The following NXPH1 variants were observed in gnomAD, a reference collection of about 807,000 sequenced individuals.
NXPH1 encodes neurexophilin 1.
A neutral mutation model predicts 23.7 loss-of-function variants in NXPH1; 5 were observed. The observed-to-expected ratio is 0.21, with a 90% CI of 0.11 to 0.44. The LOEUF (loss-of-function observed/expected upper bound fraction) is 0.44. Ranked by LOEUF, NXPH1 falls within the 20% of genes least tolerant of loss-of-function variation. NXPH1 has a pLI of 0.99. For synonymous variants in NXPH1, 144 were observed against 122.2 expected (o/e 1.18, Z -1.18); for missense variants, 324 against 321.6 (o/e 1.01, Z -0.06).
chr7:8,746,225 C>A (rs947818724), intron 2 of NXPH1, among the ~76,000 whole-genome samples: 9 of 119,578 alleles, frequency 7.5e-5, no homozygotes, highest in South Asian at 2.6e-4. Context: ...TGCTAAGGAA[C>A]CTTCCTGTTT....
intron 2 of NXPH1, among the ~76,000 whole-genome samples, chr7:8,589,434 A>G (rs1377988226): frequency 6.6e-6 from 1 of 152,090 alleles, no homozygotes; most frequent in East Asian, 1.9e-4. Context: ...ACCAGCAAAC[A>G]GGAGAAGATA....
intron 2 of NXPH1, among the ~76,000 whole-genome samples, chr7:8,689,070 G>A (rs754086342): frequency 1.3e-5 from 2 of 152,086 alleles, no homozygotes; most frequent in Non-Finnish European, 2.9e-5. Context: ...TTGCTCTTAT[G>A]TCTCTGGAAT....
intron 2 of NXPH1, among the ~76,000 whole-genome samples, chr7:8,511,047 G>T (rs996912946): frequency 3.9e-5 from 6 of 152,100 alleles, no homozygotes; most frequent in Non-Finnish European, 8.8e-5. Flanking sequence ...CCACTTTGCA[G>T]AAAAACCTTA....
intron 2 of NXPH1, among the ~76,000 whole-genome samples, chr7:8,567,967 T>C (rs1413398561): frequency 3.3e-5 from 5 of 151,858 alleles, no homozygotes; most frequent in African/African-American, 1.2e-4. Flanking sequence ...TTATAGAAAA[T>C]AATTTGGCCG....
intron 2 of NXPH1, among the ~76,000 whole-genome samples, chr7:8,556,413 A>G (rs1454969776): frequency 6.6e-6 from 1 of 151,650 alleles, no homozygotes; most frequent in Non-Finnish European, 1.5e-5. Context: ...CTGGCTGTCA[A>G]GTTGGTTCCG....
At chr7:8,647,179 C>G (rs1337472710) in intron 2 of NXPH1, among the ~76,000 whole-genome samples, 1 of 152,206 alleles carries the variant, frequency 6.6e-6, no homozygotes, top group Non-Finnish European at 1.5e-5. Context: ...TGGAGAAACT[C>G]AAGCAGATGC....
At chr7:8,662,349 A>G (rs914438389) in intron 2 of NXPH1, among the ~76,000 whole-genome samples, 3 of 152,040 alleles carry the variant, frequency 2.0e-5, no homozygotes, top group South Asian at 2.1e-4. Flanking sequence ...AGAAAAGTGG[A>G]CAGTTGTTTT....
chr7:8,594,362 G>A (rs17151994), intron 2 of NXPH1, among the ~76,000 whole-genome samples: 45,789 of 151,944 alleles, frequency 0.3, 7,726 homozygotes, highest in African/African-American at 0.44. Flanking sequence ...CATTGTTGAC[G>A]ATGGTAAACA....
At chr7:8,524,475 A>G (rs561084188) in intron 2 of NXPH1, among the ~76,000 whole-genome samples, 11 of 151,988 alleles carry the variant, frequency 7.2e-5, no homozygotes, top group African/African-American at 2.7e-4. Flanking sequence ...CCTTACTTAC[A>G]CTGACTGACA....
intron 2 of NXPH1, among the ~76,000 whole-genome samples, chr7:8,727,944 A>G (rs1460683475): frequency 6.6e-6 from 1 of 151,720 alleles, no homozygotes; most frequent in South Asian, 2.1e-4. Context: ...GGCCATTTTC[A>G]TGATATTGAT....
intron 2 of NXPH1, among the ~76,000 whole-genome samples, chr7:8,444,131 G>A (rs888945075): frequency 1.3e-5 from 2 of 152,194 alleles, no homozygotes; most frequent in Admixed American, 1.3e-4. Context: ...AGTTCTGTCC[G>A]TTTCTCTTGC....
intron 2 of NXPH1, among the ~76,000 whole-genome samples, chr7:8,712,289 A>G (rs1779810512): frequency 6.6e-6 from 1 of 152,172 alleles, no homozygotes; most frequent in South Asian, 2.1e-4. Context: ...TTACAAGGCC[A>G]TTCTCTTGAA....
intron 2 of NXPH1, among the ~76,000 whole-genome samples, chr7:8,686,824 T>A (rs1821152371): frequency 6.6e-6 from 1 of 152,156 alleles, no homozygotes; most frequent in South Asian, 2.1e-4. Flanking sequence ...GGAACTGTTG[T>A]CATTGTTGTC....
chr7:8,451,487 C>T lies in NXPH1; in HGVS notation c.54+15720C>T, dbSNP rs141181095. Among the ~76,000 whole-genome samples the T allele has an allele frequency of 2.6e-3, 391 of 152,260 alleles. 1 individual carries two copies. The highest frequency in any genetic ancestry group is 0.01 in the Middle Eastern group (3 of 294). ...GAATATGAACATACCAATGTCATCCCAAGTTTTTCTGTCTTTGGAACATTA... is the reference window on the plus strand; with the variant it reads ...GAATATGAACATACCAATGTCATCCTAAGTTTTTCTGTCTTTGGAACATTA... On this transcript the variant is annotated intron_variant, in intron 2 of 2. Transcript: ENST00000405863.
At chr7:8,683,633 A>G (rs1821092868) in intron 2 of NXPH1, among the ~76,000 whole-genome samples, 1 of 152,226 alleles carries the variant, frequency 6.6e-6, no homozygotes, top group African/African-American at 2.4e-5. Context: ...TAATTTAAAA[A>G]TAACCTATTT....
intron 2 of NXPH1, among the ~76,000 whole-genome samples, chr7:8,482,482 G>C (rs1416989497): frequency 6.6e-6 from 1 of 152,150 alleles, no homozygotes; most frequent in Non-Finnish European, 1.5e-5. Flanking sequence ...AGCTTAAACT[G>C]ACAGATTTGT....
intron 2 of NXPH1, among the ~76,000 whole-genome samples, chr7:8,505,829 G>A (rs1817513095): frequency 6.6e-6 from 1 of 152,052 alleles, no homozygotes; most frequent in African/African-American, 2.4e-5. Flanking sequence ...GCATGCAGGT[G>A]TTTCTGTGTT....
chr7:8,662,197 T>TCACAC (rs1820688642), intron 2 of NXPH1, among the ~76,000 whole-genome samples: 1 of 150,056 alleles, frequency 6.7e-6, no homozygotes, highest in Non-Finnish European at 1.5e-5. Context: ...TATACACACA[T>TCACAC]ATATATATAC....
At chr7:8,739,204 A>C (rs867351885) in intron 2 of NXPH1, among the ~76,000 whole-genome samples, 20 of 123,734 alleles carry the variant, frequency 1.6e-4, no homozygotes, top group South Asian at 2.7e-4. Flanking sequence ...AAAAAAAAAA[A>C]CCCTGCAGCT....
Sources: allele counts gnomAD v4.1 joint callset (sites outside exome capture counted in the v4.1 genomes callset), GRCh38; gene constraint gnomAD v4.1.1; transcripts MANE v1.5; gene names NCBI Gene and HGNC (gene_info 2026-07-23, HGNC 2026-07-21).